Variants in METTL8 observed in about 807,000 individuals in gnomAD.
The protein encoded by METTL8 is methyltransferase 8, tRNA N3-cytidine.
A neutral mutation model predicts 48.7 loss-of-function variants in METTL8; 32 were observed. The ratio of observed to expected loss-of-function variants is 0.66; its 90% CI spans 0.50 to 0.88. The LOEUF (loss-of-function observed/expected upper bound fraction) is 0.88. Ranked by LOEUF, METTL8 falls within the 40% of genes least tolerant of loss-of-function variation. The pLI, the probability that METTL8 is intolerant of heterozygous loss-of-function variation, is 0.00. For missense variants in METTL8, 464 were observed against 474.4 expected, an observed-to-expected ratio of 0.98 and a Z score of 0.20; for synonymous variants, 136 against 157.1, an observed-to-expected ratio of 0.87 and a Z score of 1.01.
chr2:171,375,191 C>T (rs539427425), intron 2 of METTL8: 173 of 1,415,822 alleles, frequency 1.2e-4, no homozygotes, highest in Admixed American at 4.0e-4. Flanking sequence ...TCCTTGGGCA[C>T]GCATCGGGTA....
chr2:171,363,792 T>TTATATATATATATATATATGTATATA (rs1685406003), intron 2 of METTL8, among the ~76,000 whole-genome samples: 4 of 97,436 alleles, frequency 4.1e-5, no homozygotes, highest in African/African-American at 1.6e-4. Context: ...TCCCCAAATT[T>TTATATATATATATATATATGTATATA]TATATATATA....
intron 1 of METTL8, among the ~76,000 whole-genome samples, chr2:171,394,076 C>T (rs1688831832): frequency 6.6e-6 from 1 of 152,170 alleles, no homozygotes; most frequent in Non-Finnish European, 1.5e-5. Context: ...AAATGAAATG[C>T]TCCACCTACC....
intron 1 of METTL8, among the ~76,000 whole-genome samples, chr2:171,422,296 T>C (rs1402865911): frequency 6.6e-6 from 1 of 152,178 alleles, no homozygotes; most frequent in Non-Finnish European, 1.5e-5. Context: ...CAAAAAATAA[T>C]AATAATGAAA....
At chr2:171,389,925 T>C (rs1404965965) in intron 2 of METTL8, among the ~76,000 whole-genome samples, 2 of 152,212 alleles carry the variant, frequency 1.3e-5, no homozygotes, top group African/African-American at 4.8e-5. Context: ...AAAACAGCTT[T>C]CTATTGGAAG....
upstream of METTL8, chr2:171,434,628 G>T (rs780114312): frequency 9.8e-6 from 15 of 1,531,838 alleles, no homozygotes; most frequent in South Asian, 1.6e-4. Context: ...GTCGCCGGGC[G>T]CTGGGCTGCT....
In METTL8 at chr2:171,386,509, A is replaced by G. The variant is rs184067699; in HGVS notation, c.143+5534T>C. On this transcript the variant is annotated intron_variant, in intron 2 of 9. Coordinates refer to ENST00000375258, the MANE Select transcript of METTL8 (RefSeq NM_001321154.2). ...CCAGGCACAGTGGCTCACGCCTGTA[A>G]TCCCAGTACTTTGGGAGTCCGAGGT... 1.9e-3 allele frequency among the ~76,000 whole-genome samples: 283 copies of G among 152,326 alleles called. 1 individual carries two copies. The highest frequency in any genetic ancestry group is 6.7e-3 in the African/African-American group (277 of 41,564).
intron 3 of METTL8, among the ~76,000 whole-genome samples, chr2:171,358,275 TG>T (rs1039358775): frequency 2.7e-5 from 4 of 149,608 alleles, no homozygotes; most frequent in Non-Finnish European, 4.4e-5. Flanking sequence ...TGCTTGAGCC[TG>T]GGAGGCAGAG....
At chr2:171,368,423 T>C (rs1685940235) in intron 2 of METTL8, among the ~76,000 whole-genome samples, 1 of 152,202 alleles carries the variant, frequency 6.6e-6, no homozygotes, top group African/African-American at 2.4e-5. Flanking sequence ...AAAATGAGCC[T>C]ATCACATTAA....
chr2:171,403,120 A>C (rs548566671), intron 1 of METTL8, among the ~76,000 whole-genome samples: 1 of 152,300 alleles, frequency 6.6e-6, no homozygotes, highest in East Asian at 1.9e-4. Context: ...AGTGGAACAT[A>C]ACTCCTCATT....
At chr2:171,327,811 C>T (rs1253730232) in intron 7 of METTL8, among the ~76,000 whole-genome samples, 5 of 151,988 alleles carry the variant, frequency 3.3e-5, no homozygotes, top group South Asian at 2.1e-4. Context: ...ATAGGCTTTG[C>T]GAATGAAAGA....
At chr2:171,371,927 C>A (rs1156862089) in intron 2 of METTL8, among the ~76,000 whole-genome samples, 2 of 151,424 alleles carry the variant, frequency 1.3e-5, no homozygotes, top group African/African-American at 2.4e-5. Flanking sequence ...CTGCATCAAG[C>A]GATCTTCCTG....
chr2:171,325,741 G>T, intron 9 of METTL8, 100 bp downstream of exon 9: 2 of 714,362 alleles, frequency 2.8e-6, no homozygotes, highest in Non-Finnish European at 4.7e-6. Flanking sequence ...CTTAATCAAT[G>T]ACTGAAGCCT....
At chr2:171,380,566 C>T (rs1172112157) in intron 2 of METTL8, among the ~76,000 whole-genome samples, 1 of 152,200 alleles carries the variant, frequency 6.6e-6, no homozygotes, top group East Asian at 1.9e-4. Context: ...GAAACAAAAT[C>T]AATGTGCAAA....
chr2:171,350,154 A>T (rs929817791), intron 3 of METTL8, among the ~76,000 whole-genome samples: 4 of 151,978 alleles, frequency 2.6e-5, no homozygotes, highest in African/African-American at 9.7e-5. Flanking sequence ...GATGTTCCCC[A>T]TCCTGTGTCC....
chr2:171,395,466 C>T (rs542104177), intron 1 of METTL8, among the ~76,000 whole-genome samples: 3 of 152,132 alleles, frequency 2.0e-5, no homozygotes, highest in East Asian at 3.9e-4. Flanking sequence ...AAGGCAAGCA[C>T]TTTAAATATA....
At chr2:171,354,471 C>A (rs558637376) in intron 3 of METTL8, among the ~76,000 whole-genome samples, 1 of 151,922 alleles carries the variant, frequency 6.6e-6, no homozygotes, top group Non-Finnish European at 1.5e-5. Context: ...ATCTTTGTGG[C>A]GTTCTCTGTA....
intron 3 of METTL8, among the ~76,000 whole-genome samples, chr2:171,348,721 T>C (rs1326839383): frequency 2.0e-5 from 3 of 152,278 alleles, no homozygotes; most frequent in South Asian, 4.1e-4. Flanking sequence ...GATGTTTACA[T>C]AGGTGTGTTA....
chr2:171,355,355 C>T (rs1444280717), intron 3 of METTL8, among the ~76,000 whole-genome samples: 3 of 152,082 alleles, frequency 2.0e-5, no homozygotes, highest in East Asian at 3.9e-4. Flanking sequence ...GGTACCTGTC[C>T]GTATGAGGTG....
intron 1 of METTL8, among the ~76,000 whole-genome samples, chr2:171,401,891 T>G (rs1279123329): frequency 6.6e-6 from 1 of 152,200 alleles, no homozygotes; most frequent in Non-Finnish European, 1.5e-5. Context: ...TTAGCCACTA[T>G]TAGGTTTTCT....
Sources: gnomAD v4.1 joint callset for allele counts (sites outside exome capture counted in the v4.1 genomes callset) on GRCh38, gnomAD v4.1.1 for gene constraint, MANE v1.5 for transcripts, NCBI Gene and HGNC (gene_info 2026-07-23, HGNC 2026-07-21) for gene names.